Variants in RANBP17 observed in about 807,000 individuals in gnomAD.
RANBP17 encodes RAN binding protein 17.
A neutral mutation model predicts 141.2 loss-of-function variants in RANBP17; 158 were observed. The ratio of observed to expected loss-of-function variants is 1.12; its 90% CI spans 0.98 to 1.28. The LOEUF (loss-of-function observed/expected upper bound fraction) is 1.28, where lower values mean the gene tolerates loss of function less well. Ranked by LOEUF, RANBP17 falls within the 50% of genes most tolerant of loss-of-function variation. The pLI is 0.00. For missense variants in RANBP17, 1,438 were observed against 1,290.7 expected, an observed-to-expected ratio of 1.11 and a Z score of -1.75; for synonymous variants, 430 against 450.0, an observed-to-expected ratio of 0.96 and a Z score of 0.56.
intron 12 of RANBP17, among the ~76,000 whole-genome samples, chr5:170,948,662 C>G (rs761316927): frequency 3.3e-5 from 5 of 152,164 alleles, no homozygotes; most frequent in African/African-American, 4.8e-5. Context: ...CCGGTGCAAT[C>G]CACTTTAAAA....
At chr5:171,262,111 A>G (rs932265337) in intron 24 of RANBP17, among the ~76,000 whole-genome samples, 2 of 152,194 alleles carry the variant, frequency 1.3e-5, no homozygotes, top group African/African-American at 2.4e-5. Context: ...TGCAACCTGC[A>G]TGGCATGTGG....
At chr5:171,174,166 T>C (rs1581790500) in intron 16 of RANBP17, among the ~76,000 whole-genome samples, 1 of 152,182 alleles carries the variant, frequency 6.6e-6, no homozygotes, top group South Asian at 2.1e-4. Flanking sequence ...ATTCATTACA[T>C]GGGTATTTAT....
chr5:171,282,986 C>T (rs1767945120), intron 25 of RANBP17, among the ~76,000 whole-genome samples: 1 of 152,164 alleles, frequency 6.6e-6, no homozygotes, highest in African/African-American at 2.4e-5. Context: ...CCCATCCACC[C>T]TTTCCATTCC....
chr5:171,253,147 C>G (rs1460862198), intron 24 of RANBP17, among the ~76,000 whole-genome samples: 1 of 152,186 alleles, frequency 6.6e-6, no homozygotes, highest in Non-Finnish European at 1.5e-5. Context: ...GATTGACAAG[C>G]CCTTCCGATC....
At chr5:171,256,786 C>T (rs1308087110) in intron 24 of RANBP17, among the ~76,000 whole-genome samples, 1 of 151,648 alleles carries the variant, frequency 6.6e-6, no homozygotes, top group East Asian at 1.9e-4. Context: ...AATGATATGC[C>T]CACCAACTAG....
chr5:170,915,062 T>G (rs1029149398), intron 8 of RANBP17, among the ~76,000 whole-genome samples: 4 of 152,162 alleles, frequency 2.6e-5, no homozygotes, highest in African/African-American at 9.6e-5. Flanking sequence ...CTTTTTAAAC[T>G]GGGTTTCTCA....
chr5:171,104,775 T>C (rs970917101), intron 14 of RANBP17, among the ~76,000 whole-genome samples: 1 of 152,230 alleles, frequency 6.6e-6, no homozygotes, highest in Non-Finnish European at 1.5e-5. Context: ...AATGTGAGGA[T>C]AGAGATAATA....
chr5:171,092,143 A>G (rs1381533889), intron 14 of RANBP17, among the ~76,000 whole-genome samples: 1 of 152,228 alleles, frequency 6.6e-6, no homozygotes, highest in East Asian at 1.9e-4. Context: ...TATTGAAGTC[A>G]ATAGGAAAAT....
At chr5:171,110,827 C>G (rs1266556885) in intron 14 of RANBP17, among the ~76,000 whole-genome samples, 2 of 151,668 alleles carry the variant, frequency 1.3e-5, no homozygotes, top group Non-Finnish European at 2.9e-5. Context: ...ACCTGGACTC[C>G]CCTCTCTGGT....
At chr5:171,138,211 C>T (rs1300092697) in intron 14 of RANBP17, among the ~76,000 whole-genome samples, 13 of 152,058 alleles carry the variant, frequency 8.5e-5, no homozygotes, top group Non-Finnish European at 1.6e-4. Flanking sequence ...TCTGAAACAA[C>T]AATAAAGCTG....
intron 14 of RANBP17, chr5:170,983,037 A>C: frequency 2.0e-6 from 1 of 487,824 alleles, no homozygotes; most frequent in South Asian, 1.7e-5. Context: ...CAAAGCCTCA[A>C]CTTTACTTCT....
chr5:171,168,553 T>C lies in RANBP17; in HGVS notation c.1711-1577T>C, dbSNP rs1460924835. ...CATCATGGTGAGCTTAGGGAAACTTTCTGTTCTACATATCATTCTTCATTA... is the reference window on the plus strand; with the variant it reads ...CATCATGGTGAGCTTAGGGAAACTTCCTGTTCTACATATCATTCTTCATTA... On this transcript the variant is annotated intron_variant, in intron 14 of 27. Transcript: ENST00000523189. Among the ~76,000 whole-genome samples, 6 of 152,282 alleles carry C rather than the reference T, an allele frequency of 3.9e-5. No individual in the cohort carries two copies. The East Asian group carries it at 1.2e-3, about 29-fold the overall frequency.
intron 22 of RANBP17, among the ~76,000 whole-genome samples, chr5:171,238,989 A>T (rs953797580): frequency 4.6e-5 from 7 of 152,226 alleles, no homozygotes; most frequent in African/African-American, 1.7e-4. Context: ...CAACGGACTG[A>T]ACTCCCTCAG....
intron 14 of RANBP17, among the ~76,000 whole-genome samples, chr5:171,010,432 T>G (rs1423848732): frequency 6.6e-6 from 1 of 152,208 alleles, no homozygotes; most frequent in Non-Finnish European, 1.5e-5. Flanking sequence ...CCTCCATTAA[T>G]TCAGTTGTCT....
At chr5:171,101,307 A>T (rs146736362) in intron 14 of RANBP17, among the ~76,000 whole-genome samples, 445 of 152,260 alleles carry the variant, frequency 2.9e-3, no homozygotes, top group Non-Finnish European at 5.1e-3. Flanking sequence ...TATATTTAAG[A>T]TAGTTAGCTC....
chr5:170,987,215 A>G (rs1778204137), intron 14 of RANBP17, among the ~76,000 whole-genome samples: 1 of 151,794 alleles, frequency 6.6e-6, no homozygotes, highest in Admixed American at 6.6e-5. Context: ...TGTGACCTTT[A>G]AGATTATATG....
chr5:170,892,453 T>A lies in RANBP17; in HGVS notation c.323T>A (p.Ile108Asn). The change falls in exon 4 of 28, where the codon ATT becomes AAT. Residue 108 changes from isoleucine to asparagine, a missense_variant. Coordinates refer to ENST00000523189, the MANE Select transcript of RANBP17 (RefSeq NM_022897.5). ...KLAPFVIQAL[I>N]QVIAKITKLG... ...GCTCCCTTTGTCATCCAAGCTCTTA[T>A]TCAAGTCATTGCTAAAATCACTAAG... The A allele has an allele frequency of 6.2e-7, 1 of 1,614,080 alleles. No individual in the cohort carries two copies. The highest frequency in any genetic ancestry group is 8.5e-7 in the Non-Finnish European group (1 of 1,179,976).
At chr5:171,177,225 T>C (rs1760544380) in intron 16 of RANBP17, among the ~76,000 whole-genome samples, 1 of 152,190 alleles carries the variant, frequency 6.6e-6, no homozygotes, top group South Asian at 2.1e-4. Context: ...TTTGTTTGAA[T>C]ACTAGAATCA....
At chr5:171,234,044 C>G (rs1764372662) in intron 22 of RANBP17, among the ~76,000 whole-genome samples, 1 of 150,486 alleles carries the variant, frequency 6.6e-6, no homozygotes, top group Non-Finnish European at 1.5e-5. Context: ...TCCTTAAACT[C>G]CTTATTGTAA....
Sources: gnomAD v4.1 joint callset for allele counts (sites outside exome capture counted in the v4.1 genomes callset) on GRCh38, gnomAD v4.1.1 for gene constraint, MANE v1.5 for transcripts, NCBI Gene and HGNC (gene_info 2026-07-23, HGNC 2026-07-21) for gene names.